The following FAM174A variants were observed in gnomAD, a reference collection of about 807,000 sequenced individuals.
The protein encoded by FAM174A is membrane protein FAM174A.
FAM174A carries 14 observed loss-of-function variants against 14.3 expected under a neutral mutation model. The observed-to-expected ratio is 0.98, with a 90% CI of 0.65 to 1.53. The LOEUF is 1.53. Ranked by LOEUF, FAM174A falls within the 40% of genes most tolerant of loss-of-function variation. The pLI is 0.00. For missense variants in FAM174A, 241 were observed against 249.6 expected (o/e 0.97, Z 0.23); for synonymous variants, 108 against 111.4 (o/e 0.97, Z 0.19).
intron 1 of FAM174A, among the ~76,000 whole-genome samples, chr5:100,553,257 C>CTTTTTAAAATT (rs1746301142): frequency 6.6e-6 from 1 of 152,008 alleles, no homozygotes; most frequent in Non-Finnish European, 1.5e-5. Flanking sequence ...AGCCTTTTTA[C>CTTTTTAAAATT]TTAAAATTTT....
intron 2 of FAM174A, among the ~76,000 whole-genome samples, chr5:100,574,658 C>G (rs1746863965): frequency 6.6e-6 from 1 of 152,008 alleles, no homozygotes; most frequent in Admixed American, 6.6e-5. Context: ...TATAATTCTT[C>G]ACCCAAATTT....
intron 1 of FAM174A, among the ~76,000 whole-genome samples, chr5:100,557,001 G>C (rs1746403422): frequency 6.6e-6 from 1 of 152,150 alleles, no homozygotes; most frequent in South Asian, 2.1e-4. Context: ...TGGTGAGAGA[G>C]GGCATCCCTG....
At chr5:100,562,959 T>C (rs1395093639) in intron 2 of FAM174A, among the ~76,000 whole-genome samples, 2 of 151,738 alleles carry the variant, frequency 1.3e-5, no homozygotes, top group African/African-American at 2.4e-5. Flanking sequence ...TGAAGGAGAA[T>C]TAGAGTCCAG....
chr5:100,565,445 A>T (rs1256965037), intron 2 of FAM174A, among the ~76,000 whole-genome samples: 2 of 151,734 alleles, frequency 1.3e-5, no homozygotes, highest in Non-Finnish European at 2.9e-5. Context: ...ATGAGTTAAT[A>T]TCCAAAATTT....
At chr5:100,544,409 G>T (rs1162271763) in intron 1 of FAM174A, among the ~76,000 whole-genome samples, 1 of 140,246 alleles carries the variant, frequency 7.1e-6, no homozygotes, top group Non-Finnish European at 1.5e-5. Flanking sequence ...TGAGATCCTG[G>T]AGAGAGAGAG....
At chr5:100,551,052 T>C (rs563202866) in intron 1 of FAM174A, among the ~76,000 whole-genome samples, 1 of 152,062 alleles carries the variant, frequency 6.6e-6, no homozygotes, top group Admixed American at 6.6e-5. Context: ...GAAGGGAAGG[T>C]TAATGGATAG....
intron 2 of FAM174A, among the ~76,000 whole-genome samples, chr5:100,575,110 CTTCT>C (rs1746873700): frequency 6.6e-6 from 1 of 151,954 alleles, no homozygotes; most frequent in South Asian, 2.1e-4. Flanking sequence ...AATTCTGTTC[CTTCT>C]GTCTTCTATA....
chr5:100,585,711 G>C (rs1161518845), intron 2 of FAM174A, among the ~76,000 whole-genome samples: 1 of 152,066 alleles, frequency 6.6e-6, no homozygotes, highest in African/African-American at 2.4e-5. Flanking sequence ...ATCACGCCCG[G>C]CCTTTTTTGA....
intron 2 of FAM174A, among the ~76,000 whole-genome samples, chr5:100,564,922 C>T (rs985784669): frequency 2.6e-5 from 4 of 151,870 alleles, no homozygotes; most frequent in African/African-American, 9.7e-5. Flanking sequence ...CATATGGCTT[C>T]ATGGGTAAAT....
intron 1 of FAM174A, among the ~76,000 whole-genome samples, chr5:100,537,354 A>C (rs1316440433): frequency 6.6e-6 from 1 of 152,174 alleles, no homozygotes; most frequent in African/African-American, 2.4e-5. Context: ...CATTCTTTTT[A>C]CGTTTTTTTC....
intron 1 of FAM174A, among the ~76,000 whole-genome samples, chr5:100,552,363 TGGG>T (rs568555111): frequency 2.6e-5 from 4 of 152,062 alleles, no homozygotes; most frequent in Non-Finnish European, 4.4e-5. Context: ...TCTAACCACA[TGGG>T]GGAGTGTGTA....
chr5:100,558,064 T>A (rs1324855845), intron 1 of FAM174A, among the ~76,000 whole-genome samples: 1 of 152,230 alleles, frequency 6.6e-6, no homozygotes. Flanking sequence ...TGCTTTCTCT[T>A]GTGGGCATTT....
intron 1 of FAM174A, among the ~76,000 whole-genome samples, chr5:100,549,433 G>A (rs779816608): frequency 3.9e-5 from 6 of 152,052 alleles, no homozygotes; most frequent in Non-Finnish European, 7.4e-5. Context: ...ACTATATAAC[G>A]TTGATTTAGG....
intron 1 of FAM174A, among the ~76,000 whole-genome samples, chr5:100,561,393 C>G (rs1213323566): frequency 6.6e-6 from 1 of 151,892 alleles, no homozygotes; most frequent in Non-Finnish European, 1.5e-5. Context: ...CTCGTAACTT[C>G]CTAGGTGACT....
intron 1 of FAM174A, among the ~76,000 whole-genome samples, chr5:100,541,108 C>G (rs540263239): frequency 6.6e-6 from 1 of 152,166 alleles, no homozygotes; most frequent in African/African-American, 2.4e-5. Context: ...TAAGCCCACA[C>G]AAATCTGTTT....
chr5:100,571,726 A>G lies in FAM174A; in HGVS notation c.569+9538A>G, dbSNP rs2112395672. Among the ~76,000 whole-genome samples, 3 of 147,194 alleles carry G rather than the reference A, an allele frequency of 2.0e-5. No individual in the cohort carries two copies. The South Asian group carries it at 6.4e-4, about 31-fold the overall frequency. ...CACCCTATTACTTTACTGTTACTTT[A>G]TTATAAAGTAATAGAAAGGTTGAGA... On this transcript the variant is annotated intron_variant, in intron 2 of 2. Coordinates refer to ENST00000312637, the MANE Select transcript of FAM174A (RefSeq NM_198507.3).
intron 1 of FAM174A, among the ~76,000 whole-genome samples, chr5:100,543,309 G>C (rs1746100000): frequency 6.6e-6 from 1 of 152,078 alleles, no homozygotes; most frequent in Non-Finnish European, 1.5e-5. Flanking sequence ...ATAGAAATTT[G>C]GTTTTGCCAT....
At chr5:100,566,385 G>A (rs1005186556) in intron 2 of FAM174A, among the ~76,000 whole-genome samples, 28 of 151,374 alleles carry the variant, frequency 1.8e-4, no homozygotes, top group Non-Finnish European at 3.2e-4. Context: ...TAGAGTAGGG[G>A]TTAACAGGGG....
chr5:100,552,162 A>G (rs994830699), intron 1 of FAM174A, among the ~76,000 whole-genome samples: 1 of 152,186 alleles, frequency 6.6e-6, no homozygotes, highest in African/African-American at 2.4e-5. Context: ...CATATATTCA[A>G]TTGGGTTGGA....
Sources: allele counts gnomAD v4.1 joint callset (sites outside exome capture counted in the v4.1 genomes callset), GRCh38; gene constraint gnomAD v4.1.1; transcripts MANE v1.5; gene names NCBI Gene and HGNC (gene_info 2026-07-23, HGNC 2026-07-21).